The following MUSK variants were observed in gnomAD, a reference collection of about 807,000 sequenced individuals.
MUSK encodes the protein muscle associated receptor tyrosine kinase.
MUSK carries 55 observed loss-of-function variants against 88.7 expected under a neutral mutation model. That is an observed-to-expected ratio of 0.62 (90% CI 0.50 to 0.78). The LOEUF is 0.78. Ranked by LOEUF, MUSK falls within the 30% of genes least tolerant of loss-of-function variation. The pLI is 0.00. For synonymous variants in MUSK, 387 were observed against 391.9 expected (o/e 0.99, Z 0.15); for missense variants, 1,015 against 1,074.3 (o/e 0.94, Z 0.77).
At position 110,708,396 on chromosome 9, in the gene MUSK, G is replaced by A. The variant is rs528991969; in HGVS notation, c.628+10930G>A. On this transcript the variant is annotated intron_variant, in intron 5 of 14. Coordinates refer to ENST00000374448, the MANE Select transcript of MUSK (RefSeq NM_005592.4). Reference sequence around the variant, plus strand: ...GTGTGCTGTGCTCTCAGTGATTGCAGTTTTAATAAAATTTGCAGTGGTCCT... The same window carrying A: ...GTGTGCTGTGCTCTCAGTGATTGCAATTTTAATAAAATTTGCAGTGGTCCT... Among the ~76,000 whole-genome samples, 3 of 152,276 alleles carry A rather than the reference G, an allele frequency of 2.0e-5. No homozygotes were observed. The South Asian group carries it at 6.2e-4, about 32-fold the overall frequency.
At chr9:110,713,260 T>TC (rs1279157254) in intron 5 of MUSK, among the ~76,000 whole-genome samples, 2 of 122,768 alleles carry the variant, frequency 1.6e-5, no homozygotes, top group Non-Finnish European at 3.4e-5. Context: ...GGACCTTTTT[T>TC]TCTTTTTTTT....
intron 5 of MUSK, among the ~76,000 whole-genome samples, chr9:110,709,539 A>G (rs2076642315): frequency 6.6e-6 from 1 of 152,216 alleles, no homozygotes; most frequent in Non-Finnish European, 1.5e-5. Context: ...TGATATATTT[A>G]TAGCTCTTAC....
intron 5 of MUSK, among the ~76,000 whole-genome samples, chr9:110,727,015 G>A (rs1217450534): frequency 1.9e-4 from 29 of 151,996 alleles, no homozygotes; most frequent in Middle Eastern, 3.2e-3. Flanking sequence ...ACCAGGAACC[G>A]TTACGAATAT....
intron 1 of MUSK, among the ~76,000 whole-genome samples, chr9:110,680,678 G>A (rs1005899413): frequency 3.3e-5 from 5 of 151,656 alleles, no homozygotes; most frequent in African/African-American, 1.2e-4. Context: ...GAGCCACCAT[G>A]CCCAGCTGTA....
In MUSK at chr9:110,755,951, C is replaced by CATAT. The variant is rs1564268679; in HGVS notation, c.914-6250_914-6249insTATA. Among the ~76,000 whole-genome samples the CATAT allele has an allele frequency of 9.8e-5, 10 of 101,780 alleles. No homozygotes were observed. The East Asian group carries it at 2.8e-3, about 29-fold the overall frequency. The allele number at this position is 101,780 out of a possible 152,430, so 66.8% of individuals were successfully genotyped here. ...ATATATACATATATATATATATATA[C>CATAT]ACATATATATATACATATATATATA... On this transcript the variant is annotated intron_variant, in intron 7 of 14. Coordinates refer to ENST00000374448, the MANE Select transcript of MUSK (RefSeq NM_005592.4).
At chr9:110,675,213 CTCTT>C (rs1182320778) in intron 1 of MUSK, among the ~76,000 whole-genome samples, 1 of 128,808 alleles carries the variant, frequency 7.8e-6, no homozygotes, top group Non-Finnish European at 1.7e-5. Context: ...GCCACATTGC[CTCTT>C]TTTTTTTTTT....
intron 7 of MUSK, among the ~76,000 whole-genome samples, chr9:110,760,391 T>C (rs1203234157): frequency 6.6e-6 from 1 of 152,042 alleles, no homozygotes; most frequent in Admixed American, 6.5e-5. Flanking sequence ...TAAAAAATAA[T>C]AAGATCATGT....
intron 7 of MUSK, among the ~76,000 whole-genome samples, chr9:110,757,438 A>C (rs1294874457): frequency 1.3e-5 from 2 of 151,514 alleles, no homozygotes. Context: ...CAGCCTGGGC[A>C]ACAGAGTGAG....
chr9:110,683,112 A>C, intron 2 of MUSK, among the ~76,000 whole-genome samples: 1 of 150,986 alleles, frequency 6.6e-6, no homozygotes, highest in Non-Finnish European at 1.5e-5. Flanking sequence ...AACATCCCCT[A>C]CTCCCCCCGA....
chr9:110,685,248 T>C (rs1270653083), intron 2 of MUSK, among the ~76,000 whole-genome samples: 1 of 152,182 alleles, frequency 6.6e-6, no homozygotes, highest in Non-Finnish European at 1.5e-5. Flanking sequence ...TCTGTTGATA[T>C]GATGTATCAC....
chr9:110,735,497 A>T (rs2131843500), intron 6 of MUSK, among the ~76,000 whole-genome samples: 1 of 152,098 alleles, frequency 6.6e-6, no homozygotes, highest in Admixed American at 6.6e-5. Flanking sequence ...TTTCATAACT[A>T]AAAAAATTGA....
At position 110,668,885 on chromosome 9, in the gene MUSK, T is replaced by A. The variant is rs776914649; in HGVS notation, c.-20T>A. ...GCGTTGTCCAGAAGGAACTTCGTCC[T>A]GCGTGAGCCTGGATTAATCATGAGA... On this transcript the variant is annotated 5_prime_UTR_variant, in exon 1 of 15. Transcript: ENST00000374448. 2 of 1,605,124 alleles carry A rather than the reference T, an allele frequency of 1.2e-6. No individual in the cohort carries two copies. Among genetic ancestry groups the A allele is most frequent in the South Asian group, 2.2e-5 (2 of 90,816 alleles).
At chr9:110,707,294 G>T (rs1266964720) in intron 5 of MUSK, among the ~76,000 whole-genome samples, 1 of 152,128 alleles carries the variant, frequency 6.6e-6, no homozygotes, top group Non-Finnish European at 1.5e-5. Context: ...GGGTGTCTTT[G>T]TTATAAGATT....
chr9:110,729,792 T>C (rs997659353), intron 5 of MUSK, among the ~76,000 whole-genome samples: 2 of 151,982 alleles, frequency 1.3e-5, no homozygotes, highest in African/African-American at 2.4e-5. Context: ...ATAAGAGACT[T>C]AAGTATTCCT....
At chr9:110,746,430 T>C (rs1401929599) in intron 6 of MUSK, among the ~76,000 whole-genome samples, 2 of 152,230 alleles carry the variant, frequency 1.3e-5, no homozygotes, top group African/African-American at 4.8e-5. Flanking sequence ...TTGTTCTCTC[T>C]TCTAGGACTA....
chr9:110,773,310 C>T (rs1364001429), intron 9 of MUSK, among the ~76,000 whole-genome samples: 1 of 152,084 alleles, frequency 6.6e-6, no homozygotes, highest in Admixed American at 6.5e-5. Context: ...TCAGGGTAGA[C>T]TTAATTAAGT....
intron 11 of MUSK, among the ~76,000 whole-genome samples, chr9:110,782,064 C>T (rs1171719488): frequency 6.6e-6 from 1 of 152,156 alleles, no homozygotes; most frequent in African/African-American, 2.4e-5. Context: ...TTTATTTCTC[C>T]ATTTATTCAC....
intron 2 of MUSK, among the ~76,000 whole-genome samples, chr9:110,684,185 A>C (rs567539289): frequency 6.6e-6 from 1 of 152,214 alleles, no homozygotes; most frequent in South Asian, 2.1e-4. Context: ...GTCTAGTTTT[A>C]TTCTTCTGTA....
intron 7 of MUSK, 45 bp downstream of exon 7, chr9:110,747,845 G>C: frequency 6.3e-7 from 1 of 1,588,690 alleles, no homozygotes; most frequent in Non-Finnish European, 8.6e-7. Flanking sequence ...AGAGGGGAGA[G>C]TTGATACTAT....
Sources: allele counts gnomAD v4.1 joint callset (sites outside exome capture counted in the v4.1 genomes callset), GRCh38; gene constraint gnomAD v4.1.1; transcripts MANE v1.5; gene names NCBI Gene and HGNC (gene_info 2026-07-23, HGNC 2026-07-21).